FMN1: variants seen among roughly 807,000 people sequenced by gnomAD.
FMN1 encodes the protein formin 1.
In FMN1, 110 loss-of-function variants were observed where a neutral mutation model predicts 132.4. That is an observed-to-expected ratio of 0.83 (90% CI 0.71 to 0.97). The LOEUF is 0.97. Among genes scored for constraint, FMN1 ranks in the 50% least tolerant of loss-of-function variants. FMN1 has a pLI of 0.00. For missense variants in FMN1, 1,792 were observed against 1,705.3 expected (o/e 1.05, Z -0.90); for synonymous variants, 722 against 651.7 (o/e 1.11, Z -1.64).
chr15:33,111,155 G>A (rs373592748), intron 4 of FMN1, among the ~76,000 whole-genome samples: 33 of 152,170 alleles, frequency 2.2e-4, no homozygotes, highest in African/African-American at 7.5e-4. Context: ...CTTTGCACAT[G>A]CCCTCTATAA....
intron 3 of FMN1, among the ~76,000 whole-genome samples, chr15:33,164,951 GTT>G (rs1476108996): frequency 6.6e-6 from 1 of 152,104 alleles, no homozygotes; most frequent in African/African-American, 2.4e-5. Context: ...CAGCTATACT[GTT>G]TTAGTTATTT....
At chr15:33,091,736 T>G (rs1272800819) in intron 4 of FMN1, among the ~76,000 whole-genome samples, 1 of 152,108 alleles carries the variant, frequency 6.6e-6, no homozygotes, top group Non-Finnish European at 1.5e-5. Flanking sequence ...CAGTCAAAAA[T>G]AAAGCACGTC....
chr15:33,036,658 C>T (rs1323926300), intron 6 of FMN1, among the ~76,000 whole-genome samples: 1 of 152,114 alleles, frequency 6.6e-6, no homozygotes, highest in East Asian at 1.9e-4. Context: ...CTCTAAGCTA[C>T]AATATCTTTA....
chr15:32,930,991 C>T (rs1239473186), intron 9 of FMN1, among the ~76,000 whole-genome samples: 2 of 152,056 alleles, frequency 1.3e-5, no homozygotes, highest in Non-Finnish European at 2.9e-5. Context: ...TGTCAAAGAA[C>T]ATTTGCCTGT....
At chr15:32,940,255 C>A (rs2140435873) in intron 9 of FMN1, among the ~76,000 whole-genome samples, 1 of 152,282 alleles carries the variant, frequency 6.6e-6, no homozygotes, top group East Asian at 1.9e-4. Context: ...AGAGAAAAGT[C>A]AGGAGACCAG....
At chr15:32,869,389 G>A (rs1244993531) in intron 16 of FMN1, among the ~76,000 whole-genome samples, 1 of 152,214 alleles carries the variant, frequency 6.6e-6, no homozygotes, top group African/African-American at 2.4e-5. Context: ...GTTAGGAAAA[G>A]TCTCACTGTG....
chr15:33,086,064 A>C (rs948967974), intron 5 of FMN1, among the ~76,000 whole-genome samples: 1 of 152,044 alleles, frequency 6.6e-6, no homozygotes, highest in Non-Finnish European at 1.5e-5. Flanking sequence ...ATCCTGGCTA[A>C]CACAGTGAAA....
At chr15:33,100,242 A>G (rs1015657813) in intron 4 of FMN1, among the ~76,000 whole-genome samples, 15 of 143,830 alleles carry the variant, frequency 1.0e-4, no homozygotes, top group Admixed American at 6.3e-4. Flanking sequence ...AAAAAAAAAA[A>G]GGTAGGAAAT....
intron 9 of FMN1, 52 bp from the exon 10 acceptor site, chr15:32,926,313 C>G (rs2060960089): frequency 9.7e-7 from 1 of 1,030,824 alleles, no homozygotes; most frequent in Non-Finnish European, 1.4e-6. Context: ...ACCATGCAGT[C>G]TTTCAGGACG....
chr15:32,994,390 C>A (rs1242259750), intron 7 of FMN1, among the ~76,000 whole-genome samples: 1 of 152,122 alleles, frequency 6.6e-6, no homozygotes, highest in African/African-American at 2.4e-5. Flanking sequence ...TTTGGCCACA[C>A]AAAGCTTCCC....
intron 6 of FMN1, chr15:33,064,076 G>A (rs2037606845): frequency 6.6e-6 from 1 of 152,132 alleles, no homozygotes; most frequent in Non-Finnish European, 1.5e-5. Flanking sequence ...GGAGTAATTT[G>A]ATATTATGGA....
chr15:33,052,355 T>C (rs139731209), intron 6 of FMN1, among the ~76,000 whole-genome samples: 23 of 152,180 alleles, frequency 1.5e-4, no homozygotes, highest in African/African-American at 5.5e-4. Context: ...ATTGATAGGA[T>C]AAAAAGGAAC....
At chr15:32,947,363 CTCAT>C (rs2061532461) in intron 9 of FMN1, among the ~76,000 whole-genome samples, 2 of 152,036 alleles carry the variant, frequency 1.3e-5, no homozygotes, top group South Asian at 4.1e-4. Flanking sequence ...ATTCTTTTCA[CTCAT>C]TATTTATTTA....
intron 4 of FMN1, among the ~76,000 whole-genome samples, chr15:33,125,829 T>C (rs1163725725): frequency 2.0e-5 from 3 of 152,244 alleles, no homozygotes; most frequent in African/African-American, 4.8e-5. Context: ...TCATCAAGAA[T>C]GTGCTTCATC....
chr15:32,950,860 A>C (rs954162320), intron 9 of FMN1, among the ~76,000 whole-genome samples: 5 of 152,206 alleles, frequency 3.3e-5, no homozygotes, highest in Non-Finnish European at 7.3e-5. Flanking sequence ...TGTAGTTTTC[A>C]ATACTGTTAG....
intron 6 of FMN1, among the ~76,000 whole-genome samples, chr15:33,016,630 T>C (rs974425404): frequency 1.3e-5 from 2 of 152,228 alleles, no homozygotes; most frequent in Non-Finnish European, 1.5e-5. Context: ...GGTGAGAGGC[T>C]GTTACCTGTA....
chr15:32,982,784 C>G (rs975963841), intron 7 of FMN1, among the ~76,000 whole-genome samples: 1 of 152,080 alleles, frequency 6.6e-6, no homozygotes, highest in African/African-American at 2.4e-5. Flanking sequence ...TACACCTGAA[C>G]TCTTCTTGGG....
chr15:33,091,923 G>C lies in FMN1; in HGVS notation c.1868-2949C>G, dbSNP rs532550478. ...GTTAGATCTTTAGAGAATATTTTGT[G>C]AAAAACTGAATCAGTCTTATCAGTT... is the stretch of plus-strand genomic sequence containing the variant. On this transcript the variant is annotated intron_variant, in intron 4 of 20. Transcript: ENST00000616417. Among the ~76,000 whole-genome samples, 29 of 152,258 alleles carry C rather than the reference G, an allele frequency of 1.9e-4. No individual in the cohort carries two copies. In the South Asian group the frequency reaches 6.0e-3, roughly 32 times the overall value.
At chr15:33,076,290 G>C (rs747274016) in intron 5 of FMN1, among the ~76,000 whole-genome samples, 2 of 152,178 alleles carry the variant, frequency 1.3e-5, no homozygotes, top group African/African-American at 4.8e-5. Flanking sequence ...AGTTGCTCCT[G>C]ATAAAAGATG....
Sources: gnomAD v4.1 joint callset for allele counts (sites outside exome capture counted in the v4.1 genomes callset) on GRCh38, gnomAD v4.1.1 for gene constraint, MANE v1.5 for transcripts, NCBI Gene and HGNC (gene_info 2026-07-23, HGNC 2026-07-21) for gene names.